The following LIMA1 variants were observed in gnomAD, a reference collection of about 807,000 sequenced individuals.
The protein encoded by LIMA1 is LIM domain and actin binding 1, also known as LIM domain and actin-binding protein 1.
Under a neutral mutation model 62.6 loss-of-function variants are expected in LIMA1, and 52 were observed. That is an observed-to-expected ratio of 0.83 (90% confidence interval 0.67 to 1.05). The LOEUF is 1.05. LIMA1 is among the 50% of genes least tolerant of loss of function. LIMA1 has a pLI of 0.00. For missense variants in LIMA1, 780 were observed against 902.2 expected, an observed-to-expected ratio of 0.86 and a Z score of 1.74; for synonymous variants, 302 against 317.8, an observed-to-expected ratio of 0.95 and a Z score of 0.53.
intron 3 of LIMA1, among the ~76,000 whole-genome samples, chr12:50,225,341 A>T (rs1055976364): frequency 6.6e-6 from 1 of 152,160 alleles, no homozygotes; most frequent in African/African-American, 2.4e-5. Flanking sequence ...AGATGCTGTA[A>T]TACATGCCAT....
At chr12:50,270,992 T>C (rs1942203583) in intron 1 of LIMA1, among the ~76,000 whole-genome samples, 1 of 152,136 alleles carries the variant, frequency 6.6e-6, no homozygotes, top group East Asian at 1.9e-4. Flanking sequence ...CTCGGGAGGC[T>C]GAGGCAGGAG....
chr12:50,264,092 C>T (rs1463351639), intron 1 of LIMA1, among the ~76,000 whole-genome samples: 1 of 151,648 alleles, frequency 6.6e-6, no homozygotes, highest in African/African-American at 2.4e-5. Context: ...AAATATTAAG[C>T]TAAGTGACAG....
At chr12:50,270,352 A>G (rs1942193110) in intron 1 of LIMA1, among the ~76,000 whole-genome samples, 2 of 151,622 alleles carry the variant, frequency 1.3e-5, no homozygotes, top group Non-Finnish European at 2.9e-5. Context: ...TAATCCCAGC[A>G]CTCTGGGAGA....
At chr12:50,200,413 C>T (rs1362485284) in intron 7 of LIMA1, among the ~76,000 whole-genome samples, 1 of 151,970 alleles carries the variant, frequency 6.6e-6, no homozygotes, top group East Asian at 1.9e-4. Flanking sequence ...GTGGGCTAGG[C>T]TGGTCTCGAA....
At chr12:50,178,293 T>C (rs1940401201) in intron 10 of LIMA1, among the ~76,000 whole-genome samples, 1 of 152,136 alleles carries the variant, frequency 6.6e-6, no homozygotes, top group African/African-American at 2.4e-5. Flanking sequence ...ATGCCTGTAA[T>C]CCCAGCGCTT....
intron 6 of LIMA1, chr12:50,202,202 A>T (rs899787302): frequency 2.0e-5 from 3 of 152,246 alleles, no homozygotes; most frequent in Non-Finnish European, 4.4e-5. Flanking sequence ...ACCCCATCTC[A>T]AAGCCCCACC....
chr12:50,240,738 A>C (rs907259243), intron 2 of LIMA1, among the ~76,000 whole-genome samples: 1 of 152,162 alleles, frequency 6.6e-6, no homozygotes, highest in African/African-American at 2.4e-5. Context: ...CTCAGAAGAA[A>C]GCTCTGAGCT....
At chr12:50,182,363 G>T (rs1862044) in intron 9 of LIMA1, among the ~76,000 whole-genome samples, 47,655 of 151,148 alleles carry the variant, frequency 0.32, 8,836 homozygotes, top group East Asian at 0.74. Flanking sequence ...GGGGTCGGGG[G>T]GGGGAGTGCA....
intron 1 of LIMA1, among the ~76,000 whole-genome samples, chr12:50,259,834 A>C (rs1366666507): frequency 6.6e-6 from 1 of 152,100 alleles, no homozygotes; most frequent in Non-Finnish European, 1.5e-5. Context: ...ATCAGGACAG[A>C]CTCACTTCAA....
chr12:50,182,792 A>T (rs563090140), intron 9 of LIMA1, among the ~76,000 whole-genome samples: 2 of 152,364 alleles, frequency 1.3e-5, no homozygotes, highest in African/African-American at 4.8e-5. Flanking sequence ...GTTGGAACAA[A>T]CATGGGCACA....
intron 8 of LIMA1, among the ~76,000 whole-genome samples, chr12:50,193,277 CAAA>C (rs963093425): frequency 6.6e-6 from 1 of 150,742 alleles, no homozygotes; most frequent in Non-Finnish European, 1.5e-5. Flanking sequence ...AAAATGATTG[CAAA>C]AAAAGAATGT....
chr12:50,210,620 C>T (rs1292266101), intron 4 of LIMA1, among the ~76,000 whole-genome samples: 1 of 152,136 alleles, frequency 6.6e-6, no homozygotes, highest in Non-Finnish European at 1.5e-5. Context: ...CCCTGCACTG[C>T]TGTTATTGGG....
At chr12:50,184,208 G>A (rs147551890) in intron 9 of LIMA1, among the ~76,000 whole-genome samples, 12 of 152,338 alleles carry the variant, frequency 7.9e-5, no homozygotes, top group African/African-American at 2.9e-4. Context: ...TTATTGTAAT[G>A]AATGTTGTTG....
chr12:50,269,222 G>C (rs1942174126), intron 1 of LIMA1, among the ~76,000 whole-genome samples: 1 of 152,170 alleles, frequency 6.6e-6, no homozygotes, highest in Non-Finnish European at 1.5e-5. Context: ...GTCAGATACT[G>C]TCTTAATTGT....
chr12:50,197,490 G>A (rs1805087377), intron 7 of LIMA1, among the ~76,000 whole-genome samples: 1 of 151,966 alleles, frequency 6.6e-6, no homozygotes, highest in South Asian at 2.1e-4. Context: ...CGAATTTTAA[G>A]GCAGCTGAGG....
rs187834844 is a variant in LIMA1, at chr12:50,178,329, T to C, written c.1275-260A>G. Among the ~76,000 whole-genome samples, 552 of 152,222 alleles carry C rather than the reference T, an allele frequency of 3.6e-3. 4 individuals carry two copies. The highest frequency in any genetic ancestry group is 5.2e-3 in the Non-Finnish European group (355 of 68,008). On this transcript the variant is annotated intron_variant, in intron 10 of 10. Transcript: ENST00000341247. ...TGGGAGGCCAGGGTGAGAGGATCGC[T>C]TGAGCCCAGGAGTTTGAGACCAGCC...
chr12:50,276,877 A>G (rs1231194404), intron 1 of LIMA1, among the ~76,000 whole-genome samples: 1 of 152,130 alleles, frequency 6.6e-6, no homozygotes, highest in African/African-American at 2.4e-5. Context: ...CTCAAAAAAA[A>G]AAAAATCTAT....
At chr12:50,234,394 A>G (rs1258034876) in intron 2 of LIMA1, among the ~76,000 whole-genome samples, 4 of 151,844 alleles carry the variant, frequency 2.6e-5, no homozygotes, top group Non-Finnish European at 5.9e-5. Context: ...TTTTTAGTAG[A>G]GACAGGGTTT....
At chr12:50,258,461 ATATTT>A (rs1365106773) in intron 1 of LIMA1, among the ~76,000 whole-genome samples, 1 of 151,636 alleles carries the variant, frequency 6.6e-6, no homozygotes, top group Non-Finnish European at 1.5e-5. Context: ...CGCCTGGCTA[ATATTT>A]TAAATTTTTT....
Sources: allele counts gnomAD v4.1 joint callset (sites outside exome capture counted in the v4.1 genomes callset), GRCh38; gene constraint gnomAD v4.1.1; transcripts MANE v1.5; gene names NCBI Gene and HGNC (gene_info 2026-07-23, HGNC 2026-07-21).